The following SEC13 variants were observed in gnomAD, a reference collection of about 807,000 sequenced individuals.
SEC13 encodes the protein SEC13 homolog, nuclear pore and COPII component.
A neutral mutation model predicts 49.2 loss-of-function variants in SEC13; 25 were observed. The ratio of observed to expected loss-of-function variants is 0.51; its 90% CI spans 0.37 to 0.71. The LOEUF (loss-of-function observed/expected upper bound fraction) is 0.71. Ranked by LOEUF, SEC13 falls within the 30% of genes least tolerant of loss-of-function variation. SEC13 has a pLI of 0.00. For missense variants in SEC13, 383 were observed against 417.6 expected (o/e 0.92, Z 0.72); for synonymous variants, 148 against 163.9 (o/e 0.90, Z 0.74).
At chr3:10,317,888 C>G (rs1013166780) in intron 2 of SEC13, among the ~76,000 whole-genome samples, 162 bp downstream of exon 2, 1 of 152,124 alleles carries the variant, frequency 6.6e-6, no homozygotes, top group Admixed American at 6.5e-5. Flanking sequence ...TGCTAGGGAG[C>G]CTGCCATACC....
At position 10,306,777 on chromosome 3, in the gene SEC13, GCT is replaced by G. The variant is rs546545066; in HGVS notation, c.451-1087_451-1086del. Among the ~76,000 whole-genome samples, 8 of 152,288 alleles carry G rather than the reference GCT, an allele frequency of 5.3e-5. No homozygotes were observed. In the South Asian group the frequency reaches 8.3e-4, roughly 16 times the overall value. On this transcript the variant is annotated intron_variant, in intron 5 of 8. Coordinates refer to ENST00000350697, the MANE Select transcript of SEC13 (RefSeq NM_183352.3). ...TAAAAATGGGAGTTTTTCTGCACAA[GCT>G]CTCTCTTTTGCCTGCTGCCATCCAC...
Position 10,305,636 on chromosome 3 carries a change from G to C in SEC13, c.507C>G (p.Asp169Glu). 1.2e-6 allele frequency: 2 copies of C among 1,614,204 alleles called. No individual in the cohort carries two copies. Among genetic ancestry groups the C allele is most frequent in the Non-Finnish European group, 1.7e-6 (2 of 1,180,024 alleles). Residue 169 changes from aspartate (D) to glutamate (E), a missense_variant, in exon 6 of 9, where the codon GAC becomes GAG. Coordinates refer to ENST00000350697, the MANE Select transcript of SEC13 (RefSeq NM_183352.3). ...APAVVPGSLI[D>E]HPSGQKPNYI... ...AATTGGGTTTCTGCCCCGATGGGTG[G>C]TCTATGAGGCTTCCAGGTACAACAG...
chr3:10,315,535 C>T (rs1202477575), intron 2 of SEC13, 99 bp from the exon 3 acceptor site: 11 of 687,522 alleles, frequency 1.6e-5, no homozygotes, highest in Non-Finnish European at 2.8e-5. Flanking sequence ...ACCAGAATCT[C>T]CCTGAAATCA....
At chr3:10,308,012 C>T (rs576023575) in intron 5 of SEC13, among the ~76,000 whole-genome samples, 5 of 152,246 alleles carry the variant, frequency 3.3e-5, no homozygotes, top group African/African-American at 1.2e-4. Flanking sequence ...AACAATAGTC[C>T]CTGAATTCTT....
At chr3:10,304,971 T>C in intron 7 of SEC13, 62 bp downstream of exon 7, 1 of 1,611,182 alleles carries the variant, frequency 6.2e-7, no homozygotes, top group Admixed American at 1.7e-5. Flanking sequence ...CTAAGGAGAC[T>C]AAGAGCTGAT....
At chr3:10,318,687 C>T (rs1177775119) in intron 1 of SEC13, among the ~76,000 whole-genome samples, 1 of 152,172 alleles carries the variant, frequency 6.6e-6, no homozygotes, top group Non-Finnish European at 1.5e-5. Context: ...TGAGGCTGCT[C>T]CCTGGTCCGT....
chr3:10,320,885 C>T (rs1319685814), intron 1 of SEC13, 165 bp downstream of exon 1: 1 of 1,434,302 alleles, frequency 7.0e-7, no homozygotes, highest in African/African-American at 1.5e-5. Context: ...GGACTCCCCT[C>T]GGAATGGTCC....
intron 5 of SEC13, among the ~76,000 whole-genome samples, chr3:10,309,567 C>T (rs989175383): frequency 6.6e-6 from 1 of 152,088 alleles, no homozygotes; most frequent in Non-Finnish European, 1.5e-5. Flanking sequence ...AGTTCTGTCA[C>T]CTTATTTCTG....
chr3:10,314,262 T>C (rs886808464), intron 3 of SEC13, among the ~76,000 whole-genome samples: 4 of 152,208 alleles, frequency 2.6e-5, no homozygotes, highest in Admixed American at 2.0e-4. Flanking sequence ...ATTACAGGCG[T>C]GAGCCACCTT....
intron 1 of SEC13, chr3:10,319,136 T>G: frequency 1.9e-6 from 3 of 1,608,814 alleles, no homozygotes; most frequent in Non-Finnish European, 2.5e-6. Context: ...AGACATTTCT[T>G]ACCATTTTCC....
chr3:10,319,857 G>A (rs1192302405), intron 1 of SEC13, among the ~76,000 whole-genome samples: 1 of 18,362 alleles, frequency 5.4e-5, no homozygotes, highest in East Asian at 2.0e-3. Flanking sequence ...GAAGGAAGGA[G>A]GAAGGGCGGG....
chr3:10,318,474 G>A (rs1338008283), intron 1 of SEC13, among the ~76,000 whole-genome samples: 4 of 151,700 alleles, frequency 2.6e-5, no homozygotes, highest in African/African-American at 7.3e-5. Flanking sequence ...GGGAATACAC[G>A]AGTAGAGACA....
intron 3 of SEC13, 128 bp downstream of exon 3, chr3:10,315,193 T>A: frequency 3.0e-6 from 2 of 674,604 alleles, no homozygotes; most frequent in East Asian, 5.5e-5. Context: ...GATCCCAGCG[T>A]CCTCTCCGCT....
Position 10,301,205 on chromosome 3 carries a change from C to G in SEC13, c.*56G>C, listed in dbSNP as rs1700481803. ...CTTCCCAGTTGTCTGGTTAGTTGGC[C>G]CAGGAAGGGGCAGTCCTGGAGCTGG... On this transcript the variant is annotated 3_prime_UTR_variant, in exon 9 of 9. Coordinates refer to ENST00000350697, the MANE Select transcript of SEC13 (RefSeq NM_183352.3). 5.0e-6 allele frequency: 8 copies of G among 1,613,934 alleles called. No homozygotes were observed. In the South Asian group the frequency reaches 7.7e-5, roughly 16 times the overall value.
At chr3:10,301,878 A>G (rs1437194565) in intron 8 of SEC13, among the ~76,000 whole-genome samples, 4 of 152,198 alleles carry the variant, frequency 2.6e-5, no homozygotes, top group Admixed American at 6.5e-5. Flanking sequence ...ACTGAAGTAA[A>G]CTGTATAAGA....
At position 10,301,285 on chromosome 3, in the gene SEC13, T is replaced by C; in HGVS notation, c.945A>G (p.Thr315=). 6.2e-7 allele frequency: 1 copy of C among 1,614,178 alleles called. No individual in the cohort carries two copies. The highest frequency in any genetic ancestry group is 8.5e-7 in the Non-Finnish European group (1 of 1,180,028). ...GTCACTGCTCGTTCTGCTGGCCCTC[T>C]GTCACTGATGCTGATACGGAGCCCT... ...KGQGSVSASV[T]EGQQNEQ The change falls in exon 9 of 9, where the codon ACA becomes ACG. Residue 315 remains threonine (T), a synonymous_variant. Coordinates refer to ENST00000350697, the MANE Select transcript of SEC13 (RefSeq NM_183352.3).
Position 10,315,341 on chromosome 3 carries a change from G to T in SEC13, c.144C>A (p.Ile48=). 6.2e-7 allele frequency: 1 copy of T among 1,613,802 alleles called. No homozygotes were observed. Among genetic ancestry groups the T allele is most frequent in the Non-Finnish European group, 8.5e-7 (1 of 1,179,816 alleles). ...CTTACCCCCTGAGGTCGGCGATAAG[G>T]ATCTGCCCTCCATTGCGCACATCAA... ...KIFDVRNGGQ[I]LIADLRGHEG... Residue 48 remains isoleucine (I), a synonymous_variant, in exon 3 of 9, where the codon ATC becomes ATA. Coordinates refer to ENST00000350697, the MANE Select transcript of SEC13 (RefSeq NM_183352.3).
At chr3:10,302,817 A>C (rs1160341349) in intron 8 of SEC13, among the ~76,000 whole-genome samples, 1 of 152,172 alleles carries the variant, frequency 6.6e-6, no homozygotes, top group Non-Finnish European at 1.5e-5. Context: ...GTGTAGAAAC[A>C]GGGTGTGGGC....
intron 5 of SEC13, among the ~76,000 whole-genome samples, chr3:10,308,791 ATT>A (rs34572074): frequency 0.47 from 54,775 of 115,786 alleles, 12,423 homozygotes; most frequent in South Asian, 0.64. Context: ...GCTGAGTTGA[ATT>A]TTTTTTTTTT....
Sources: allele counts gnomAD v4.1 joint callset (sites outside exome capture counted in the v4.1 genomes callset), GRCh38; gene constraint gnomAD v4.1.1; transcripts MANE v1.5; gene names NCBI Gene and HGNC (gene_info 2026-07-23, HGNC 2026-07-21).